The following CNTN6 variants were observed in gnomAD, a reference collection of about 807,000 sequenced individuals.
The protein encoded by CNTN6 is contactin-6.
CNTN6 carries 137 observed loss-of-function variants against 122.8 expected under a neutral mutation model. That is an observed-to-expected ratio of 1.12 (90% CI 0.97 to 1.29). The LOEUF (loss-of-function observed/expected upper bound fraction) is 1.29, where lower values mean the gene tolerates loss of function less well. Among genes scored for constraint, CNTN6 ranks in the 50% most tolerant of loss-of-function variants. The probability of loss-of-function intolerance (pLI) is 0.00; values close to 1 mark genes in which losing one functional copy is unlikely to be tolerated. For missense variants in CNTN6, 1,634 were observed against 1,223.4 expected (o/e 1.34, Z -5.01); for synonymous variants, 570 against 426.0 (o/e 1.34, Z -4.16).
At chr3:1,103,138 T>C (rs1189258136) in intron 1 of CNTN6, among the ~76,000 whole-genome samples, 1 of 152,072 alleles carries the variant, frequency 6.6e-6, no homozygotes, top group Admixed American at 6.6e-5. Context: ...AGAAAGTCCT[T>C]AAAGTTGTGC....
At position 1,331,838 on chromosome 3, in the gene CNTN6, GAAAAA is replaced by G. The variant is rs537792090; in HGVS notation, c.1364+1909_1364+1913del. 1.9e-3 allele frequency among the ~76,000 whole-genome samples: 267 copies of G among 141,676 alleles called. 1 individual carries two copies. The highest frequency in any genetic ancestry group is 6.1e-3 in the African/African-American group (237 of 38,712). The allele number at this position is 141,676 out of a possible 152,430, so 92.9% of individuals were successfully genotyped here. On this transcript the variant is annotated intron_variant, in intron 11 of 22. Coordinates refer to ENST00000446702, the MANE Select transcript of CNTN6 (RefSeq NM_001289080.2). ...AGTAAAGCTAAGATAATGAGAGAGA[GAAAAA>G]AAAAAGCTAAGATAATAAGAAAAAA...
Position 1,322,115 on chromosome 3 carries a change from A to T in CNTN6, c.946+281A>T, listed in dbSNP as rs1197262799. Reference sequence around the variant, plus strand: ...GCCATAAAAGTTTATAATAAAAGGAAGCATGAACTCCATATATTTCCCATT... The same window carrying T: ...GCCATAAAAGTTTATAATAAAAGGATGCATGAACTCCATATATTTCCCATT... On this transcript the variant is annotated intron_variant, in intron 8 of 22. Coordinates refer to ENST00000446702, the MANE Select transcript of CNTN6 (RefSeq NM_001289080.2). Among the ~76,000 whole-genome samples the T allele has an allele frequency of 2.0e-5, 3 of 151,762 alleles. No individual in the cohort carries two copies. In the Admixed American group the frequency reaches 2.0e-4, roughly 10 times the overall value.
chr3:1,274,597 A>C (rs1252739460), intron 4 of CNTN6, among the ~76,000 whole-genome samples: 1 of 152,226 alleles, frequency 6.6e-6, no homozygotes, highest in Non-Finnish European at 1.5e-5. Context: ...ATTGAAAAGC[A>C]ATGTTTACAA....
chr3:1,198,448 C>A (rs925543081), intron 2 of CNTN6, among the ~76,000 whole-genome samples: 2 of 152,110 alleles, frequency 1.3e-5, no homozygotes, highest in African/African-American at 4.8e-5. Context: ...GCTGGCCAGG[C>A]ACAGTGGCTC....
intron 12 of CNTN6, among the ~76,000 whole-genome samples, chr3:1,354,210 T>G (rs565889998): frequency 6.6e-6 from 1 of 151,186 alleles, no homozygotes; most frequent in South Asian, 2.1e-4. Context: ...ATTTCAGATG[T>G]GTAATATAGC....
intron 9 of CNTN6, 99 bp from the exon 10 acceptor site, chr3:1,327,358 A>G: frequency 7.7e-7 from 1 of 1,299,518 alleles, no homozygotes; most frequent in Non-Finnish European, 1.1e-6. Flanking sequence ...AAATTATCAG[A>G]TCTCATAGAT....
intron 2 of CNTN6, among the ~76,000 whole-genome samples, chr3:1,160,344 G>GTATATATATATATATATACATATATA (rs2093097220): frequency 9.0e-6 from 1 of 111,114 alleles, no homozygotes; most frequent in Non-Finnish European, 1.8e-5. Flanking sequence ...TACTTTTACT[G>GTATATATATATATATATACATATATA]TATATATATA....
rs58679514 is a variant in CNTN6 at position 1,201,966 on chromosome 3, TA to T, written c.56-18720del. ...ATTATTTTGTAATGTAATAATTGGGTATTTTTTCTCTATTTTTCTGAGTCTT... is the reference window on the plus strand; with the variant it reads ...ATTATTTTGTAATGTAATAATTGGGTTTTTTTCTCTATTTTTCTGAGTCTT... On this transcript the variant is annotated intron_variant, in intron 2 of 22. Coordinates refer to ENST00000446702, the MANE Select transcript of CNTN6 (RefSeq NM_001289080.2). Among the ~76,000 whole-genome samples, 337 of 152,336 alleles carry T rather than the reference TA, an allele frequency of 2.2e-3. 1 individual carries two copies. The highest frequency in any genetic ancestry group is 7.9e-3 in the African/African-American group (327 of 41,594).
At position 1,373,067 on chromosome 3, in the gene CNTN6, T is replaced by A. The variant is rs530933377; in HGVS notation, c.1786+112T>A. 5.1e-4 allele frequency: 330 copies of A among 651,660 alleles called. 3 individuals carry two copies. In the African/African-American group the frequency reaches 5.9e-3, roughly 12 times the overall value. 40.4% of individuals were successfully genotyped at this position (651,660 alleles called of 1,614,324 possible). On this transcript the variant is annotated intron_variant, in intron 14 of 22. Transcript: ENST00000446702. ...ACCATGTTATGGAAGTGAGATGTAA[T>A]CAGATAGAGTTTTATTTTTTAAACC...
intron 2 of CNTN6, among the ~76,000 whole-genome samples, chr3:1,178,336 C>T (rs568762827): frequency 7.9e-5 from 12 of 152,240 alleles, no homozygotes; most frequent in Non-Finnish European, 1.5e-4. Flanking sequence ...TTCAAGTCTA[C>T]CAAATCTTTC....
At chr3:1,095,178 A>G (rs958927941) in intron 1 of CNTN6, among the ~76,000 whole-genome samples, 1 of 152,154 alleles carries the variant, frequency 6.6e-6, no homozygotes, top group Non-Finnish European at 1.5e-5. Flanking sequence ...ACTTAAAAAA[A>G]AACAGAAATA....
At chr3:1,286,631 T>G (rs1024586730) in intron 5 of CNTN6, among the ~76,000 whole-genome samples, 1 of 152,142 alleles carries the variant, frequency 6.6e-6, no homozygotes, top group African/African-American at 2.4e-5. Flanking sequence ...TAATATCCAG[T>G]CTATCATTGA....
chr3:1,224,568 T>C (rs1165167124), intron 3 of CNTN6, among the ~76,000 whole-genome samples: 1 of 148,800 alleles, frequency 6.7e-6, no homozygotes, highest in Non-Finnish European at 1.5e-5. Context: ...CAATTAAAAA[T>C]AAATAAAACT....
At position 1,370,967 on chromosome 3, in the gene CNTN6, A is replaced by G. The variant is rs116643695; in HGVS notation, c.1493-1332A>G. 3.0e-3 allele frequency among the ~76,000 whole-genome samples: 454 copies of G among 152,292 alleles called. 1 individual carries two copies. The highest frequency in any genetic ancestry group is 0.011 in the African/African-American group (441 of 41,576). On this transcript the variant is annotated intron_variant, in intron 12 of 22. Transcript: ENST00000446702. ...CAGAATGAGTTTGATTTTCTCTATT[A>G]TATTCATATTCAGAACTATAGCGTG...
chr3:1,344,176 C>A (rs752712356), intron 11 of CNTN6, among the ~76,000 whole-genome samples: 7 of 152,076 alleles, frequency 4.6e-5, no homozygotes, highest in Admixed American at 6.6e-5. Flanking sequence ...AGCTGTATAT[C>A]TTGGTGGGGT....
At chr3:1,267,796 G>C (rs2094950652) in intron 4 of CNTN6, among the ~76,000 whole-genome samples, 1 of 152,050 alleles carries the variant, frequency 6.6e-6, no homozygotes, top group South Asian at 2.1e-4. Flanking sequence ...ATCTTTGGAT[G>C]AGTCACTTTA....
At chr3:1,308,244 A>C (rs1698666409) in intron 7 of CNTN6, among the ~76,000 whole-genome samples, 1 of 149,676 alleles carries the variant, frequency 6.7e-6, no homozygotes, top group Non-Finnish European at 1.5e-5. Context: ...TTTAAGTTGG[A>C]TCTTGTGCCC....
chr3:1,324,804 C>G (rs1701309946), intron 8 of CNTN6, among the ~76,000 whole-genome samples: 1 of 149,636 alleles, frequency 6.7e-6, no homozygotes, highest in Non-Finnish European at 1.5e-5. Flanking sequence ...TACTTAGGTT[C>G]TGCTTTTAGG....
chr3:1,099,790 A>G (rs985620987), intron 1 of CNTN6, among the ~76,000 whole-genome samples: 2 of 152,144 alleles, frequency 1.3e-5, no homozygotes, highest in African/African-American at 4.8e-5. Flanking sequence ...TTCATATTCA[A>G]CCAAAGTGTT....
Sources: gnomAD v4.1 joint callset for allele counts (sites outside exome capture counted in the v4.1 genomes callset) on GRCh38, gnomAD v4.1.1 for gene constraint, MANE v1.5 for transcripts, NCBI Gene and HGNC (gene_info 2026-07-23, HGNC 2026-07-21) for gene names.